Variants in SGCZ observed in about 807,000 individuals in gnomAD.
The protein encoded by SGCZ is zeta-sarcoglycan.
Under a neutral mutation model 41.3 loss-of-function variants are expected in SGCZ, and 40 were observed. The observed-to-expected ratio is 0.97, with a 90% confidence interval of 0.75 to 1.26. SGCZ has a LOEUF of 1.26. Among genes scored for constraint, SGCZ ranks in the 50% most tolerant of loss-of-function variants. The pLI, the probability that SGCZ is intolerant of heterozygous loss-of-function variation, is 0.00. For synonymous variants in SGCZ, 206 were observed against 137.5 expected (o/e 1.50, Z -3.49); for missense variants, 552 against 369.8 (o/e 1.49, Z -4.04).
At chr8:14,696,950 A>G (rs1029573972) in intron 1 of SGCZ, among the ~76,000 whole-genome samples, 4 of 132,004 alleles carry the variant, frequency 3.0e-5, no homozygotes, top group Admixed American at 1.5e-4. Context: ...TAGGAAATCT[A>G]TGTTGATAAA....
chr8:14,095,586 G>A (rs1211397786), intron 7 of SGCZ, among the ~76,000 whole-genome samples: 3 of 152,138 alleles, frequency 2.0e-5, no homozygotes, highest in African/African-American at 7.2e-5. Flanking sequence ...GGCTATGCAG[G>A]CTCTTTTTTG....
chr8:14,918,399 G>A (rs62493338), intron 1 of SGCZ, among the ~76,000 whole-genome samples: 1 of 151,608 alleles, frequency 6.6e-6, no homozygotes, highest in Admixed American at 6.6e-5. Flanking sequence ...AATTTTCTCG[G>A]GGTCTCTCAT....
chr8:14,600,584 G>T (rs761589863), intron 1 of SGCZ, among the ~76,000 whole-genome samples: 1 of 152,066 alleles, frequency 6.6e-6, no homozygotes, highest in Non-Finnish European at 1.5e-5. Context: ...CTCCACAGGA[G>T]GATGCAGGTA....
At chr8:14,431,969 CA>C in intron 2 of SGCZ, among the ~76,000 whole-genome samples, 1 of 152,014 alleles carries the variant, frequency 6.6e-6, no homozygotes, top group East Asian at 1.9e-4. Context: ...CAAATCAAAC[CA>C]CAATGCGATA....
intron 1 of SGCZ, among the ~76,000 whole-genome samples, chr8:15,074,509 T>C (rs1217404963): frequency 6.6e-6 from 1 of 152,134 alleles, no homozygotes; most frequent in Non-Finnish European, 1.5e-5. Flanking sequence ...AAGCGCCCCA[T>C]TCATAAATTT....
At chr8:15,000,057 G>A (rs377163228) in intron 1 of SGCZ, among the ~76,000 whole-genome samples, 2 of 152,242 alleles carry the variant, frequency 1.3e-5, no homozygotes, top group African/African-American at 4.8e-5. Context: ...ATAGGGGTGA[G>A]CCCTAATTCA....
At chr8:15,156,249 G>C (rs1364618242) in intron 1 of SGCZ, among the ~76,000 whole-genome samples, 1 of 152,086 alleles carries the variant, frequency 6.6e-6, no homozygotes, top group Non-Finnish European at 1.5e-5. Flanking sequence ...AGTCCTGAAA[G>C]ACTGAGGCCT....
At position 14,088,620 on chromosome 8, in the gene SGCZ, C is replaced by T. The variant is rs1801598261; in HGVS notation, c.*1823G>A. Among the ~76,000 whole-genome samples, 1 of 151,630 alleles carries T rather than the reference C, an allele frequency of 6.6e-6. No individual in the cohort carries two copies. The highest frequency in any genetic ancestry group is 1.5e-5 in the Non-Finnish European group (1 of 67,834). ...AATCGTATATCATAAATTCTTATTT[C>T]AATATTGATTTAAAAAGTTATATAA... On this transcript the variant is annotated 3_prime_UTR_variant, in exon 8 of 8. Coordinates refer to ENST00000382080, the MANE Select transcript of SGCZ (RefSeq NM_139167.4).
chr8:14,808,135 A>G (rs1053659365), intron 1 of SGCZ, among the ~76,000 whole-genome samples: 6 of 152,232 alleles, frequency 3.9e-5, no homozygotes, highest in Admixed American at 3.9e-4. Context: ...ACCCTAGAAG[A>G]TAACCTAGGT....
At chr8:14,546,536 C>T (rs1482800314) in intron 2 of SGCZ, among the ~76,000 whole-genome samples, 1 of 152,122 alleles carries the variant, frequency 6.6e-6, no homozygotes, top group East Asian at 1.9e-4. Context: ...CCTATGCCCG[C>T]TCTGCTAAAC....
At chr8:15,088,643 G>T (rs552949547) in intron 1 of SGCZ, among the ~76,000 whole-genome samples, 2 of 151,186 alleles carry the variant, frequency 1.3e-5, no homozygotes, top group African/African-American at 2.5e-5. Context: ...AAAGAATAGA[G>T]CCCAGATGAG....
chr8:14,318,584 A>G (rs993850610), intron 3 of SGCZ, among the ~76,000 whole-genome samples: 1 of 151,966 alleles, frequency 6.6e-6, no homozygotes, highest in African/African-American at 2.4e-5. Flanking sequence ...GCTCATAAGT[A>G]TTGAGCACTG....
At chr8:14,739,050 C>T (rs113106381) in intron 1 of SGCZ, among the ~76,000 whole-genome samples, 110 of 152,072 alleles carry the variant, frequency 7.2e-4, no homozygotes, top group Non-Finnish European at 1.4e-3. Flanking sequence ...ATAGAATGTA[C>T]CCATATTGAT....
At chr8:15,235,560 G>T (rs934090996) in intron 1 of SGCZ, among the ~76,000 whole-genome samples, 2 of 152,118 alleles carry the variant, frequency 1.3e-5, no homozygotes, top group African/African-American at 4.8e-5. Context: ...GTACACTCTG[G>T]CTATGAGGAT....
intron 1 of SGCZ, among the ~76,000 whole-genome samples, chr8:14,965,496 C>A (rs1801102579): frequency 1.3e-5 from 2 of 151,900 alleles, no homozygotes; most frequent in African/African-American, 4.8e-5. Context: ...GAATTTTAGG[C>A]CAAAATATTA....
intron 1 of SGCZ, among the ~76,000 whole-genome samples, chr8:14,668,432 G>C (rs1807986935): frequency 6.6e-6 from 1 of 151,982 alleles, no homozygotes; most frequent in Admixed American, 6.6e-5. Context: ...TAACCTCTGA[G>C]GTTAGCAAAA....
chr8:14,203,814 G>A (rs1199632848), intron 4 of SGCZ, among the ~76,000 whole-genome samples: 1 of 152,058 alleles, frequency 6.6e-6, no homozygotes, highest in African/African-American at 2.4e-5. Flanking sequence ...ATACAGTAGG[G>A]GCATGTAAAT....
intron 1 of SGCZ, among the ~76,000 whole-genome samples, chr8:15,050,167 C>A (rs908276681): frequency 2.0e-5 from 3 of 152,050 alleles, no homozygotes; most frequent in Admixed American, 6.6e-5. Context: ...AAATGATAAA[C>A]AATAGTGTCT....
intron 2 of SGCZ, among the ~76,000 whole-genome samples, chr8:14,392,645 T>C (rs570397759): frequency 6.6e-6 from 1 of 152,282 alleles, no homozygotes; most frequent in African/African-American, 2.4e-5. Context: ...AGATAAACTA[T>C]GGTTACTTGA....
Sources: gnomAD v4.1 joint callset for allele counts (sites outside exome capture counted in the v4.1 genomes callset) on GRCh38, gnomAD v4.1.1 for gene constraint, MANE v1.5 for transcripts, NCBI Gene and HGNC (gene_info 2026-07-23, HGNC 2026-07-21) for gene names.